The following NALF1 variants were observed in gnomAD, a reference collection of about 807,000 sequenced individuals.
NALF1 encodes family with sequence similarity 155 member A.
In NALF1, 3 loss-of-function variants were observed where a neutral mutation model predicts 48.4. That is an observed-to-expected ratio of 0.06 (90% CI 0.03 to 0.16). The LOEUF is 0.16. NALF1 is among the 10% of genes least tolerant of loss of function. The pLI is 1.00. For synonymous variants in NALF1, 262 were observed against 245.7 expected, an observed-to-expected ratio of 1.07 and a Z score of -0.62; for missense variants, 526 against 571.5, an observed-to-expected ratio of 0.92 and a Z score of 0.81.
At chr13:107,734,662 C>T (rs904536235) in intron 1 of NALF1, among the ~76,000 whole-genome samples, 2 of 152,042 alleles carry the variant, frequency 1.3e-5, no homozygotes, top group African/African-American at 4.8e-5. Context: ...TTGATTAAGA[C>T]ATTTATGTCT....
At chr13:107,631,125 T>C (rs1879822883) in intron 1 of NALF1, among the ~76,000 whole-genome samples, 1 of 152,160 alleles carries the variant, frequency 6.6e-6, no homozygotes, top group Admixed American at 6.5e-5. Flanking sequence ...AGCCTCCCAG[T>C]AGCTGGGACT....
intron 1 of NALF1, among the ~76,000 whole-genome samples, chr13:107,341,266 G>T (rs970839091): frequency 6.6e-6 from 1 of 151,940 alleles, no homozygotes; most frequent in African/African-American, 2.4e-5. Flanking sequence ...GTGGTGGAGT[G>T]GTCTTTCATT....
At position 107,656,522 on chromosome 13, in the gene NALF1, TGGA is replaced by T. The variant is rs1430396771; in HGVS notation, c.915+209157_915+209159del. On this transcript the variant is annotated intron_variant, in intron 1 of 2. Coordinates refer to ENST00000375915, the MANE Select transcript of NALF1 (RefSeq NM_001080396.3). ...AATCAAAAAATAATAGATGTTGGCATGGATGCAGTAAAAAGGAACATTTTTACA... is the reference window on the plus strand; with the variant it reads ...AATCAAAAAATAATAGATGTTGGCATTGCAGTAAAAAGGAACATTTTTACA... Among the ~76,000 whole-genome samples the T allele has an allele frequency of 2.0e-5, 3 of 152,152 alleles. No homozygotes were observed. The South Asian group carries it at 6.2e-4, about 32-fold the overall frequency.
At chr13:107,469,015 T>C (rs1885053111) in intron 1 of NALF1, among the ~76,000 whole-genome samples, 2 of 152,268 alleles carry the variant, frequency 1.3e-5, no homozygotes, top group South Asian at 4.1e-4. Flanking sequence ...TGCCATAAAA[T>C]ATGAACTTTA....
chr13:107,770,925 T>C (rs1481075593), intron 1 of NALF1, among the ~76,000 whole-genome samples: 1 of 152,230 alleles, frequency 6.6e-6, no homozygotes, highest in African/African-American at 2.4e-5. Flanking sequence ...GCCTAAATAG[T>C]CTTTGGCCTT....
chr13:107,593,719 A>C (rs947090921), intron 1 of NALF1, among the ~76,000 whole-genome samples: 1 of 151,892 alleles, frequency 6.6e-6, no homozygotes, highest in African/African-American at 2.4e-5. Context: ...TCCTCGAGTA[A>C]TAATAAAACA....
intron 1 of NALF1, among the ~76,000 whole-genome samples, chr13:107,658,441 AT>A (rs1218972146): frequency 6.6e-6 from 1 of 151,848 alleles, no homozygotes; most frequent in Non-Finnish European, 1.5e-5. Flanking sequence ...TTCTCAGGTC[AT>A]TTCGTATCAA....
chr13:107,299,442 A>AATG, intron 1 of NALF1, among the ~76,000 whole-genome samples: 1 of 45,734 alleles, frequency 2.2e-5, no homozygotes. Flanking sequence ...TCTCAATAAT[A>AATG]ATAATAATAA....
At chr13:107,389,296 C>T (rs1213416761) in intron 1 of NALF1, among the ~76,000 whole-genome samples, 1 of 152,214 alleles carries the variant, frequency 6.6e-6, no homozygotes, top group African/African-American at 2.4e-5. Context: ...ACCCCCAGTA[C>T]CTCACAATGT....
intron 2 of NALF1, among the ~76,000 whole-genome samples, chr13:107,178,002 G>A (rs751015302): frequency 2.6e-4 from 40 of 152,214 alleles, no homozygotes; most frequent in Admixed American, 1.2e-3. Flanking sequence ...AGTCGAGATT[G>A]TGCCACTGCA....
Position 107,637,227 on chromosome 13 carries a change from G to C in NALF1, c.915+228455C>G, listed in dbSNP as rs35318461. The stretch of plus-strand genomic sequence containing the variant: ...CTTTGTTGTTAAGCAATGCATAACT[G>C]TATATTGTATTTGTTGTGTGTGTGT... On this transcript the variant is annotated intron_variant, in intron 1 of 2. Transcript: ENST00000375915. 2.9e-3 allele frequency among the ~76,000 whole-genome samples: 429 copies of C among 146,882 alleles called. 2 individuals are homozygous for C. In the Middle Eastern group the frequency reaches 0.039, roughly 13 times the overall value.
intron 1 of NALF1, among the ~76,000 whole-genome samples, chr13:107,829,034 T>C (rs1879622707): frequency 6.6e-6 from 1 of 152,158 alleles, no homozygotes; most frequent in African/African-American, 2.4e-5. Flanking sequence ...GCTCCAAAAA[T>C]AGCCTATCAT....
rs560359792 is a variant in NALF1 at position 107,328,935 on chromosome 13, A to G, written c.916-118180T>C. ...CAATAGGTCTACCAAAAATGTTGTA[A>G]CTAGGTTTTAAATTAGAGGTACAGT... On this transcript the variant is annotated intron_variant, in intron 1 of 2. Coordinates refer to ENST00000375915, the MANE Select transcript of NALF1 (RefSeq NM_001080396.3). 3.9e-5 allele frequency among the ~76,000 whole-genome samples: 6 copies of G among 152,334 alleles called. No homozygotes were observed. In the East Asian group the frequency reaches 1.2e-3, roughly 29 times the overall value.
At chr13:107,486,610 G>T (rs1885334167) in intron 1 of NALF1, among the ~76,000 whole-genome samples, 1 of 152,142 alleles carries the variant, frequency 6.6e-6, no homozygotes, top group African/African-American at 2.4e-5. Context: ...TCTCACATGG[G>T]ATGTGGGAAG....
chr13:107,661,650 T>C (rs1880737951), intron 1 of NALF1, among the ~76,000 whole-genome samples: 1 of 151,690 alleles, frequency 6.6e-6, no homozygotes, highest in Non-Finnish European at 1.5e-5. Context: ...TAATGTTCTG[T>C]GAAAACTGAA....
In NALF1 at chr13:107,632,540, TCTTA is replaced by T. The variant is rs1264626898; in HGVS notation, c.915+233138_915+233141del. 2.6e-5 allele frequency among the ~76,000 whole-genome samples: 4 copies of T among 152,250 alleles called. No individual in the cohort carries two copies. The South Asian group carries it at 6.2e-4, about 24-fold the overall frequency. On this transcript the variant is annotated intron_variant, in intron 1 of 2. Coordinates refer to ENST00000375915, the MANE Select transcript of NALF1 (RefSeq NM_001080396.3). Reference sequence around the variant, plus strand: ...GCATTCTCCAGAACTACTGATCCTCTCTTACTTTCTCTTTCATTCTGTCCCACCT... The same window carrying T: ...GCATTCTCCAGAACTACTGATCCTCTCTTTCTCTTTCATTCTGTCCCACCT...
intron 1 of NALF1, among the ~76,000 whole-genome samples, chr13:107,597,788 T>C (rs757690172): frequency 6.6e-6 from 1 of 152,046 alleles, no homozygotes; most frequent in Non-Finnish European, 1.5e-5. Flanking sequence ...TAAAAATCAA[T>C]CAAAAAGAAT....
At chr13:107,493,973 C>T (rs1206440511) in intron 1 of NALF1, among the ~76,000 whole-genome samples, 2 of 152,112 alleles carry the variant, frequency 1.3e-5, no homozygotes, top group Non-Finnish European at 2.9e-5. Context: ...ATGGTCTGTG[C>T]AGAAGACATT....
chr13:107,518,939 T>C (rs1876148427), intron 1 of NALF1, among the ~76,000 whole-genome samples: 1 of 152,184 alleles, frequency 6.6e-6, no homozygotes, highest in Non-Finnish European at 1.5e-5. Context: ...ACAGTGATCC[T>C]GTGGGAAAGC....
Sources: allele counts gnomAD v4.1 joint callset (sites outside exome capture counted in the v4.1 genomes callset), GRCh38; gene constraint gnomAD v4.1.1; transcripts MANE v1.5; gene names NCBI Gene and HGNC (gene_info 2026-07-23, HGNC 2026-07-21).